SCP2: variants seen among roughly 807,000 people sequenced by gnomAD.
The protein encoded by SCP2 is SCP-2/3-oxoacyl-CoA thiolase.
In SCP2, 48 loss-of-function variants were observed where a neutral mutation model predicts 71.4. The observed-to-expected ratio is 0.67, with a 90% CI of 0.53 to 0.86. The LOEUF is 0.86. Ranked by LOEUF, SCP2 falls within the 40% of genes least tolerant of loss-of-function variation. The pLI is 0.00. For missense variants in SCP2, 560 were observed against 655.6 expected (o/e 0.85, Z 1.59); for synonymous variants, 220 against 218.1 (o/e 1.01, Z -0.08).
intron 11 of SCP2, among the ~76,000 whole-genome samples, chr1:53,004,538 C>G (rs1018818884): frequency 1.3e-5 from 2 of 152,218 alleles, no homozygotes; most frequent in Non-Finnish European, 2.9e-5. Context: ...CTGCCCCACT[C>G]TAACTGATCA....
intron 11 of SCP2, chr1:52,993,747 C>T (rs1659718241): frequency 6.9e-6 from 11 of 1,601,362 alleles, no homozygotes; most frequent in Non-Finnish European, 9.4e-6. Context: ...ATTGAAGACT[C>T]CTGCATGCCT....
chr1:52,973,115 A>T (rs1657639451), intron 6 of SCP2, among the ~76,000 whole-genome samples: 1 of 152,236 alleles, frequency 6.6e-6, no homozygotes, highest in Admixed American at 6.5e-5. Context: ...TATTAACAAG[A>T]CCAGAGCTGA....
chr1:52,950,619 G>C (rs927246426), intron 3 of SCP2, 136 bp from the exon 4 acceptor site: 2 of 703,768 alleles, frequency 2.8e-6, no homozygotes, highest in South Asian at 3.3e-5. Flanking sequence ...TGTTAAAACT[G>C]TTTCTAAGAT....
rs1316777590 is a variant in SCP2 at position 53,039,041 on chromosome 1, A to T, written c.1463A>T (p.Asn488Ile). ...AATGGCAAAGGATCAGTGCTTCCTA[A>T]CTCAGGTTAGTTTGGGAATGACTTC... is the stretch of plus-strand genomic sequence containing the variant. Reference protein sequence around the residue: ...VKNGKGSVLPNSDKKADCTIT... With the variant: ...VKNGKGSVLPISDKKADCTIT... Residue 488 changes from asparagine to isoleucine, a missense_variant, in exon 14 of 16, where the codon AAC becomes ATC. Asn to Ile is a moderately radical substitution (Grantham distance 149, BLOSUM62 -3). Transcript: ENST00000371514. 2 of 1,613,968 alleles carry T rather than the reference A, an allele frequency of 1.2e-6. No homozygotes were observed. Among genetic ancestry groups the T allele is most frequent in the African/African-American group, 2.7e-5 (2 of 74,906 alleles).
chr1:52,995,908 G>A lies in SCP2; in HGVS notation c.1081+7772G>A, dbSNP rs930477739. The stretch of plus-strand genomic sequence containing the variant: ...ACACAGCTGAGGGCATGGATGAGAC[G>A]AGAGTTCAACAAGGCTGAGAGCAAC... On this transcript the variant is annotated intron_variant, in intron 11 of 15. Transcript: ENST00000371514. 28 of 1,491,520 alleles carry A rather than the reference G, an allele frequency of 1.9e-5. No individual in the cohort carries two copies. In the African/African-American group the frequency reaches 2.1e-4, roughly 11 times the overall value. The allele number at this position is 1,491,520 out of a possible 1,614,324, so 92.4% of individuals were successfully genotyped here. A position where few individuals can be genotyped will look rare whatever the true frequency, so the allele number is the denominator to read the frequency against.
chr1:52,977,043 CTG>C (rs770956359), intron 8 of SCP2, among the ~76,000 whole-genome samples: 2 of 152,178 alleles, frequency 1.3e-5, no homozygotes, highest in Non-Finnish European at 2.9e-5. Context: ...ATTCATTAAA[CTG>C]TGGCTTGGGG....
intron 12 of SCP2, among the ~76,000 whole-genome samples, chr1:53,026,230 T>G (rs1662122107): frequency 6.6e-6 from 1 of 152,210 alleles, no homozygotes; most frequent in African/African-American, 2.4e-5. Flanking sequence ...ATCCATCACC[T>G]TAAATATTTG....
chr1:53,030,043 C>A (rs567960045), intron 13 of SCP2, among the ~76,000 whole-genome samples: 1 of 152,230 alleles, frequency 6.6e-6, no homozygotes, highest in South Asian at 2.1e-4. Flanking sequence ...CACGTGCCAC[C>A]ACACCCAGCT....
At chr1:52,961,906 AATT>A (rs1463032410) in intron 6 of SCP2, among the ~76,000 whole-genome samples, 1 of 151,434 alleles carries the variant, frequency 6.6e-6, no homozygotes, top group African/African-American at 2.5e-5. Context: ...ATGGACTATA[AATT>A]ATTTTTTTCC....
rs760120093 is a variant in SCP2 at position 53,015,006 on chromosome 1, G to T, written c.1198G>T (p.Val400Leu). Residue 400 changes from valine (V) to leucine (L), a missense_variant, in exon 12 of 16, where the codon GTA (valine) becomes TTA (leucine). Val to Leu is a conservative substitution (Grantham distance 32, BLOSUM62 1). Around this residue, in one of 3 missense-constraint regions of SCP2, gnomAD observed 513 missense variants for 573.1 expected, o/e 0.90. Transcript: ENST00000371514. ...HNLGIGGAVV[V>L]TLYKMGFPEA... ...TTTAGGCATTGGAGGAGCTGTGGTT[G>T]TAACACTCTACAAGATGGGTTTTCC... 6 of 1,614,142 alleles carry T rather than the reference G, an allele frequency of 3.7e-6. No homozygotes were observed. Among genetic ancestry groups the T allele is most frequent in the South Asian group, 1.1e-5 (1 of 91,080 alleles).
intron 11 of SCP2, chr1:52,995,554 A>G (rs1659874852): frequency 4.4e-6 from 2 of 456,938 alleles, no homozygotes; most frequent in East Asian, 9.7e-5. Flanking sequence ...AGCTAGCAGC[A>G]TCGAGCTTTC....
At chr1:52,957,655 GA>G (rs1655950012) in intron 5 of SCP2, among the ~76,000 whole-genome samples, 1 of 152,188 alleles carries the variant, frequency 6.6e-6, no homozygotes, top group Non-Finnish European at 1.5e-5. Context: ...GGCAACCGAG[GA>G]AAATTTAATT....
chr1:52,976,338 G>T (rs1197902611), intron 7 of SCP2, among the ~76,000 whole-genome samples: 2 of 152,064 alleles, frequency 1.3e-5, no homozygotes, highest in Non-Finnish European at 1.5e-5. Context: ...TAGTCACATG[G>T]TTGGTCTTTT....
intron 4 of SCP2, among the ~76,000 whole-genome samples, chr1:52,953,494 C>T (rs923828781): frequency 6.6e-6 from 1 of 151,904 alleles, no homozygotes; most frequent in South Asian, 2.1e-4. Flanking sequence ...CATAGGCGTG[C>T]GCCACCATAC....
intron 11 of SCP2, among the ~76,000 whole-genome samples, chr1:53,007,327 C>T (rs1660701094): frequency 1.3e-5 from 2 of 152,190 alleles, no homozygotes; most frequent in Non-Finnish European, 2.9e-5. Context: ...AATATATATT[C>T]TTCTCAGCAC....
chr1:53,004,761 A>C (rs1009331321), intron 11 of SCP2, among the ~76,000 whole-genome samples: 1 of 152,194 alleles, frequency 6.6e-6, no homozygotes, highest in Non-Finnish European at 1.5e-5. Context: ...TACCAGGTTC[A>C]TCTCACTGGG....
chr1:53,037,658 T>C (rs1025425482), intron 13 of SCP2, among the ~76,000 whole-genome samples: 2 of 151,990 alleles, frequency 1.3e-5, no homozygotes, highest in Admixed American at 1.3e-4. Flanking sequence ...TATAATTCTT[T>C]ATACTGATAG....
intron 11 of SCP2, among the ~76,000 whole-genome samples, chr1:53,009,397 C>T (rs1050117513): frequency 1.3e-5 from 2 of 152,166 alleles, no homozygotes; most frequent in Non-Finnish European, 2.9e-5. Context: ...CTACAGTAAC[C>T]AAAACAGCAT....
At chr1:53,039,840 A>G (rs1196611492) in intron 14 of SCP2, among the ~76,000 whole-genome samples, 1 of 152,220 alleles carries the variant, frequency 6.6e-6, no homozygotes, top group Non-Finnish European at 1.5e-5. Context: ...ACTGAACTAC[A>G]AGGTATACAT....
Sources: gnomAD v4.1 joint callset for allele counts (sites outside exome capture counted in the v4.1 genomes callset) on GRCh38, gnomAD v4.1.1 for gene constraint, gnomAD v4.1.1 regional missense constraint, MANE v1.5 for transcripts, NCBI Gene and HGNC (gene_info 2026-07-23, HGNC 2026-07-21) for gene names.